The following IQSEC1 variants were observed in gnomAD, a reference collection of about 807,000 sequenced individuals.
IQSEC1 encodes the protein IQ motif and SEC7 domain-containing protein 1.
Under a neutral mutation model 91.0 loss-of-function variants are expected in IQSEC1, and 31 were observed. The observed-to-expected ratio is 0.34, with a 90% CI of 0.26 to 0.46. IQSEC1 has a LOEUF of 0.46. Ranked by LOEUF, IQSEC1 falls within the 20% of genes least tolerant of loss-of-function variation. The pLI is 1.00. For missense variants in IQSEC1, 1,388 were observed against 1,575.6 expected (o/e 0.88, Z 2.02); for synonymous variants, 699 against 662.6 (o/e 1.05, Z -0.84).
At position 12,935,405 on chromosome 3, in the gene IQSEC1, A is replaced by G; in HGVS notation, c.1568+43T>C. 1 of 1,569,466 alleles carries G rather than the reference A, an allele frequency of 6.4e-7. No individual in the cohort carries two copies. The highest frequency in any genetic ancestry group is 8.7e-7 in the Non-Finnish European group (1 of 1,152,154). On this transcript the variant is annotated intron_variant, in intron 3 of 13. Coordinates refer to ENST00000613206, the MANE Select transcript of IQSEC1 (RefSeq NM_001134382.3). The surrounding 1 kb of genome is among the most constrained non-coding windows in gnomAD (Gnocchi z 8.0). Reference sequence around the variant, plus strand: ...CCACGCCCACCCGCCAAGGCCCAGCAAGCCACAGCTGCCCACCCTGAGGGG... The same window carrying G: ...CCACGCCCACCCGCCAAGGCCCAGCGAGCCACAGCTGCCCACCCTGAGGGG...
chr3:13,269,950 GC>G (rs760102582), intron 1 of IQSEC1, among the ~76,000 whole-genome samples: 1 of 152,234 alleles, frequency 6.6e-6, no homozygotes, highest in Non-Finnish European at 1.5e-5. Context: ...ATCACAAGAA[GC>G]CTCACATTTC....
intron 1 of IQSEC1, among the ~76,000 whole-genome samples, chr3:13,191,198 CTG>C (rs938503347): frequency 1.3e-5 from 2 of 152,228 alleles, no homozygotes; most frequent in African/African-American, 4.8e-5. Context: ...GCCTGACAGT[CTG>C]TGCCTGGTGC....
intron 1 of IQSEC1, among the ~76,000 whole-genome samples, chr3:13,252,648 C>T (rs1695213988): frequency 6.6e-6 from 1 of 152,346 alleles, no homozygotes; most frequent in Admixed American, 6.5e-5. Context: ...GCACCATTTA[C>T]ATTCCCACCA....
intron 1 of IQSEC1, among the ~76,000 whole-genome samples, chr3:13,281,436 G>C (rs1695787638): frequency 6.8e-6 from 1 of 147,588 alleles, no homozygotes; most frequent in South Asian, 2.2e-4. Context: ...GCAAGAGCCT[G>C]ACACCCACGC....
rs573624233 is a variant in IQSEC1 at position 13,135,326 on chromosome 3, A to G, written c.302+28778T>C. Reference sequence around the variant, plus strand: ...TGGGACCTCAGGCCACACTGGCCCTATGGGTGGGGCTCAGGAGTGGAGCCT... The same window carrying G: ...TGGGACCTCAGGCCACACTGGCCCTGTGGGTGGGGCTCAGGAGTGGAGCCT... On this transcript the variant is annotated intron_variant, in intron 2 of 15. Coordinates refer to the IQSEC1 transcript ENST00000648114. 7.2e-5 allele frequency among the ~76,000 whole-genome samples: 11 copies of G among 152,334 alleles called. No homozygotes were observed. The South Asian group carries it at 1.9e-3, about 26-fold the overall frequency.
chr3:13,229,322 A>G (rs1040797299), intron 1 of IQSEC1, among the ~76,000 whole-genome samples: 1 of 152,248 alleles, frequency 6.6e-6, no homozygotes, highest in Non-Finnish European at 1.5e-5. Context: ...GGCCTGGCCT[A>G]TAACAGCTAC....
At chr3:13,021,404 G>A (rs1703393864) in intron 1 of IQSEC1, among the ~76,000 whole-genome samples, 1 of 152,226 alleles carries the variant, frequency 6.6e-6, no homozygotes, top group African/African-American at 2.4e-5. Context: ...TCAACGGCAA[G>A]GGTCATCGTA....
In IQSEC1 at chr3:12,901,064, C is replaced by T; in HGVS notation, c.3264G>A (p.Val1088=). The T allele has an allele frequency of 1.9e-6, 3 of 1,541,752 alleles. No homozygotes were observed. The highest frequency in any genetic ancestry group is 1.4e-5 in the African/African-American group (1 of 73,092). Residue 1088 remains valine, a synonymous_variant, in exon 14 of 14, where the codon GTG becomes GTA. Coordinates refer to ENST00000613206, the MANE Select transcript of IQSEC1 (RefSeq NM_001134382.3). ...GGGCAGGGGGCTGCCCATGGTGGTG[C>T]ACTGTGTGCCCCACGTGGGCCGAGG... ...PLPSAHVGHT[V]HHHGQPPAPP... is the part of the protein sequence containing the mutation.
At chr3:13,268,519 G>A (rs1259507280) in intron 1 of IQSEC1, among the ~76,000 whole-genome samples, 1 of 152,158 alleles carries the variant, frequency 6.6e-6, no homozygotes, top group African/African-American at 2.4e-5. Flanking sequence ...TCCCCTATCA[G>A]AAGGGTTGAG....
At chr3:13,080,078 A>G (rs1170789089) in intron 2 of IQSEC1, among the ~76,000 whole-genome samples, 1 of 152,246 alleles carries the variant, frequency 6.6e-6, no homozygotes, top group African/African-American at 2.4e-5. Flanking sequence ...AAAGCAGCAG[A>G]AAGTCATGAG....
rs202185664 is a variant in IQSEC1, at chr3:12,967,392, G to A, written c.24-25527C>T. The A allele has an allele frequency of 9.8e-6, 15 of 1,535,178 alleles. No homozygotes were observed. In the Admixed American group the frequency reaches 2.0e-4, roughly 20 times the overall value. The stretch of plus-strand genomic sequence containing the variant: ...GCCCCGCGCCGCGCCCTCACCCGCT[G>A]TCAAGCTCTAGCTCCAGAAGGGACT... On this transcript the variant is annotated intron_variant, in intron 1 of 13. Coordinates refer to ENST00000613206, the MANE Select transcript of IQSEC1 (RefSeq NM_001134382.3). The surrounding 1 kb of genome is among the most constrained non-coding windows in gnomAD (Gnocchi z 5.9).
chr3:13,094,093 A>G (rs550691), intron 2 of IQSEC1, among the ~76,000 whole-genome samples: 29,008 of 152,124 alleles, frequency 0.19, 2,989 homozygotes, highest in African/African-American at 0.26. Flanking sequence ...GAATGAAGAA[A>G]CAGGGCTGAG....
chr3:13,245,044 C>A (rs535381142), intron 1 of IQSEC1, among the ~76,000 whole-genome samples: 2 of 152,322 alleles, frequency 1.3e-5, no homozygotes, highest in South Asian at 4.1e-4. Flanking sequence ...TGCCCCAAAA[C>A]TTGATGGCTT....
In IQSEC1 at chr3:12,979,311, G is replaced by A. The variant is rs1701341805; in HGVS notation, c.24-37446C>T. Reference sequence around the variant, plus strand: ...GTTATCAGCCCCATCCCTGAGGCCTGCTGTGTTTTGTTTACAACACAGATT... The same window carrying A: ...GTTATCAGCCCCATCCCTGAGGCCTACTGTGTTTTGTTTACAACACAGATT... On this transcript the variant is annotated intron_variant, in intron 1 of 13. Transcript: ENST00000613206. The surrounding 1 kb of genome is among the most constrained non-coding windows in gnomAD (Gnocchi z 4.3). 6.6e-6 allele frequency among the ~76,000 whole-genome samples: 1 copy of A among 152,204 alleles called. No individual in the cohort carries two copies. Among genetic ancestry groups the A allele is most frequent in the African/African-American group, 2.4e-5 (1 of 41,442 alleles).
At chr3:13,181,132 G>A (rs1301040021) in intron 1 of IQSEC1, among the ~76,000 whole-genome samples, 3 of 152,184 alleles carry the variant, frequency 2.0e-5, no homozygotes, top group African/African-American at 4.8e-5. Context: ...TTAGCCGGGC[G>A]TGGTGGCGGG....
At chr3:13,137,362 T>C (rs1706727975) in intron 2 of IQSEC1, among the ~76,000 whole-genome samples, 1 of 152,184 alleles carries the variant, frequency 6.6e-6, no homozygotes. Flanking sequence ...GAAAATAAAC[T>C]ATGGCTGCAC....
At chr3:13,031,458 C>T (rs1352687809) in intron 1 of IQSEC1, among the ~76,000 whole-genome samples, 2 of 152,222 alleles carry the variant, frequency 1.3e-5, no homozygotes, top group Non-Finnish European at 2.9e-5. Flanking sequence ...ATGAGGAAAC[C>T]GAGGTCCACA....
At chr3:13,067,827 A>G (rs1705287092) in intron 1 of IQSEC1, among the ~76,000 whole-genome samples, 1 of 152,220 alleles carries the variant, frequency 6.6e-6, no homozygotes, top group Non-Finnish European at 1.5e-5. Flanking sequence ...AAGATAAGGC[A>G]CTTTTGTTGT....
intron 2 of IQSEC1, among the ~76,000 whole-genome samples, chr3:13,147,219 G>A (rs1003120255): frequency 6.6e-6 from 1 of 152,178 alleles, no homozygotes; most frequent in African/African-American, 2.4e-5. Context: ...TGGTTATGTG[G>A]ATGAATTGTA....
Sources: allele counts gnomAD v4.1 joint callset (sites outside exome capture counted in the v4.1 genomes callset), GRCh38; gene constraint gnomAD v4.1.1; non-coding constraint Gnocchi (gnomAD v3.1); transcripts MANE v1.5; gene names NCBI Gene and HGNC (gene_info 2026-07-23, HGNC 2026-07-21).